ADGRF3: variants seen among roughly 807,000 people sequenced by gnomAD.
ADGRF3 encodes G protein-coupled receptor 113.
A neutral mutation model predicts 93.2 loss-of-function variants in ADGRF3; 85 were observed. The ratio of observed to expected loss-of-function variants is 0.91; its 90% CI spans 0.77 to 1.09. The LOEUF (loss-of-function observed/expected upper bound fraction) is 1.09, where lower values mean the gene tolerates loss of function less well. Among genes scored for constraint, ADGRF3 ranks in the 50% least tolerant of loss-of-function variants. The pLI is 0.00. For synonymous variants in ADGRF3, 534 were observed against 532.5 expected (o/e 1.00, Z -0.04); for missense variants, 1,125 against 1,246.2 (o/e 0.90, Z 1.46).
chr2:26,324,456 T>C (rs899921904), intron 1 of ADGRF3, among the ~76,000 whole-genome samples: 1 of 152,102 alleles, frequency 6.6e-6, no homozygotes, highest in African/African-American at 2.4e-5. Context: ...GTATTAAGCC[T>C]AGTACCCATT....
intron 1 of ADGRF3, among the ~76,000 whole-genome samples, chr2:26,319,594 CCTTCCTTCCTTCCTTCCTTCCTTT>C (rs1185730089): frequency 0.011 from 788 of 74,332 alleles, 32 homozygotes; most frequent in East Asian, 0.066. Context: ...TTCCTTCCTT[CCTTCCTTCCTTCCTTCCTTCCTTT>C]CTTTCTTTGT....
At position 26,311,518 on chromosome 2, in the gene ADGRF3, T is replaced by G. The variant is rs1481942109; in HGVS notation, c.2006A>C (p.Gln669Pro). The G allele has an allele frequency of 1.2e-6, 2 of 1,614,014 alleles. No individual in the cohort carries two copies. The highest frequency in any genetic ancestry group is 1.7e-6 in the Non-Finnish European group (2 of 1,179,890). The change falls in exon 10 of 14, where the codon CAG (glutamine) becomes CCG (proline). Residue 669 changes from glutamine to proline, a missense_variant. Physicochemically the swap from Gln to Pro is moderately conservative, Grantham distance 76 (BLOSUM62 -1). Coordinates refer to ENST00000651242, the MANE Select transcript of ADGRF3 (RefSeq NM_001321971.2). Reference protein sequence around the residue: ...GGWSKEGCQAQVASASPTAQC... With the variant: ...GGWSKEGCQAPVASASPTAQC... ...AGCAGTGGGGCTGGCACTGGCCACC[T>G]GTGCCTGGCACCCTTCTTTGGACCA...
Position 26,346,310 on chromosome 2 carries a change from C to A in ADGRF3, c.-76G>T. 1 of 1,601,368 alleles carries A rather than the reference C, an allele frequency of 6.2e-7. No individual in the cohort carries two copies. Among genetic ancestry groups the A allele is most frequent in the South Asian group, 1.1e-5 (1 of 90,370 alleles). ...ACAAGGTACCGCGGGCCGGCGGATG[C>A]CCCTCTCCCTGCTCCCGGCCTCGCC... On this transcript the variant is annotated 5_prime_UTR_variant, in exon 1 of 14. Transcript: ENST00000651242.
rs149293638 is a variant in ADGRF3 at position 26,311,730 on chromosome 2, C to T, written c.1794G>A (p.Leu598=). The T allele has an allele frequency of 7.1e-5, 114 of 1,613,294 alleles. No individual in the cohort carries two copies. Among genetic ancestry groups the T allele is most frequent in the Admixed American group, 3.5e-4 (21 of 59,898 alleles). The change falls in exon 10 of 14, where the codon CTG becomes CTA. Residue 598 remains leucine, a synonymous_variant. Coordinates refer to ENST00000651242, the MANE Select transcript of ADGRF3 (RefSeq NM_001321971.2). ...SLVLRKLDHL[L]PSNYGQGLGD... Reference sequence around the variant, plus strand: ...CCAGCCCTTGTCCATAGTTTGAGGGCAGAAGGTGGTCCAGTTTTCGCAGCA... The same window carrying T: ...CCAGCCCTTGTCCATAGTTTGAGGGTAGAAGGTGGTCCAGTTTTCGCAGCA...
chr2:26,324,205 C>A (rs568127079), intron 1 of ADGRF3, among the ~76,000 whole-genome samples: 4 of 152,130 alleles, frequency 2.6e-5, no homozygotes, highest in Admixed American at 6.5e-5. Flanking sequence ...GAGCTGTGAT[C>A]GTGCCACTGC....
rs1046243328 is a variant in ADGRF3 at position 26,346,572 on chromosome 2, C to A, written c.-338G>T. 5.8e-5 allele frequency: 18 copies of A among 308,426 alleles called. No homozygotes were observed. Among genetic ancestry groups the A allele is most frequent in the Admixed American group, 4.6e-4 (9 of 19,544 alleles). The allele number at this position is 308,426 out of a possible 1,614,324, so 19.1% of individuals were successfully genotyped here. A position where few individuals can be genotyped will look rare whatever the true frequency, so the allele number is the denominator to read the frequency against. On this transcript the variant is annotated 5_prime_UTR_variant, in exon 1 of 14. Transcript: ENST00000651242. ...GAATTCCCTTCCTATTTTTTTTAAA[C>A]TTATTATTTTCGTAAGCCCCCGAAA...
rs570636291 is a variant in ADGRF3 at position 26,308,408 on chromosome 2, A to G, written c.*678T>C. ...TTTCTTCTAGTATTCATTTTTAAAT[A>G]TAAATTAAACTTTATTAATTGATAT... is the stretch of plus-strand genomic sequence containing the variant. On this transcript the variant is annotated 3_prime_UTR_variant, in exon 14 of 14. Transcript: ENST00000651242. The G allele has an allele frequency of 6.6e-5, 10 of 152,258 alleles. No individual in the cohort carries two copies. In the South Asian group the frequency reaches 2.1e-3, roughly 32 times the overall value. 9.4% of individuals were successfully genotyped at this position (152,258 alleles called of 1,614,324 possible).
intron 1 of ADGRF3, among the ~76,000 whole-genome samples, chr2:26,322,362 C>T (rs1156375998): frequency 1.3e-5 from 2 of 151,994 alleles, no homozygotes; most frequent in African/African-American, 4.8e-5. Context: ...TATTCCACCC[C>T]CAAAACATAA....
chr2:26,334,113 A>G (rs1488037736), intron 1 of ADGRF3, among the ~76,000 whole-genome samples: 2 of 151,844 alleles, frequency 1.3e-5, no homozygotes, highest in African/African-American at 4.8e-5. Context: ...GTGTCCAACT[A>G]AAATTTAAAG....
chr2:26,328,789 T>A (rs1247425673), intron 1 of ADGRF3, among the ~76,000 whole-genome samples: 1 of 152,224 alleles, frequency 6.6e-6, no homozygotes, highest in Non-Finnish European at 1.5e-5. Context: ...CCAGTGGCTC[T>A]GTTCAGGTTT....
chr2:26,312,207 A>T (rs1352893526), intron 9 of ADGRF3, 133 bp from the exon 10 acceptor site: 3 of 893,888 alleles, frequency 3.4e-6, no homozygotes, highest in Non-Finnish European at 5.1e-6. Context: ...GAGAAAAGGG[A>T]GAGGAAGACA....
Position 26,346,664 on chromosome 2 carries a change from A to T in ADGRF3, c.-430T>A, listed in dbSNP as rs1373863578. The T allele has an allele frequency of 1.2e-5, 2 of 165,582 alleles. No individual in the cohort carries two copies. Among genetic ancestry groups the T allele is most frequent in the Non-Finnish European group, 2.6e-5 (2 of 76,576 alleles). 10.3% of individuals were successfully genotyped at this position (165,582 alleles called of 1,614,324 possible). A position where few individuals can be genotyped will look rare whatever the true frequency, so the allele number is the denominator to read the frequency against. On this transcript the variant is annotated 5_prime_UTR_variant, in exon 1 of 14. The change abolishes an upstream ATG in the 5' untranslated region. Transcript: ENST00000651242. ...TGAAGTTTCCACTCGCCTGTCATGC[A>T]TACAACTTCGGAGGAGGAGATGATC...
rs768446131 is a variant in ADGRF3 at position 26,311,508 on chromosome 2, A to G, written c.2016T>C (p.Ser672=). The G allele has an allele frequency of 1.5e-5, 25 of 1,613,870 alleles. No homozygotes were observed. The highest frequency in any genetic ancestry group is 2.0e-5 in the Non-Finnish European group (24 of 1,179,908). Residue 672 remains serine (S), a synonymous_variant, in exon 10 of 14, where the codon AGT becomes AGC. Coordinates refer to ENST00000651242, the MANE Select transcript of ADGRF3 (RefSeq NM_001321971.2). ...SKEGCQAQVA[S]ASPTAQCLCQ... ...AGAGGCACTGAGCAGTGGGGCTGGC[A>G]CTGGCCACCTGTGCCTGGCACCCTT... is the stretch of plus-strand genomic sequence containing the variant.
In ADGRF3 at chr2:26,317,568, A is replaced by G; in HGVS notation, c.115-6T>C. 12 of 1,563,626 alleles carry G rather than the reference A, an allele frequency of 7.7e-6. No homozygotes were observed. Among genetic ancestry groups the G allele is most frequent in the Non-Finnish European group, 9.5e-6 (11 of 1,153,866 alleles). On this transcript the variant is annotated splice_region_variant and splice_polypyrimidine_tract_variant and intron_variant, in intron 1 of 13. Coordinates refer to ENST00000651242, the MANE Select transcript of ADGRF3 (RefSeq NM_001321971.2). ...CCTCCAGCCTGACTCTGTCCCTGGA[A>G]CAGAACACAGAGGGGAGACCTCAAG...
intron 1 of ADGRF3, among the ~76,000 whole-genome samples, chr2:26,319,819 T>A (rs1675044018): frequency 6.6e-6 from 1 of 152,064 alleles, no homozygotes; most frequent in South Asian, 2.1e-4. Flanking sequence ...AGCCTCAAAC[T>A]CTTGGGCTCA....
At chr2:26,338,988 T>G (rs1676213921) in intron 1 of ADGRF3, among the ~76,000 whole-genome samples, 1 of 149,174 alleles carries the variant, frequency 6.7e-6, no homozygotes, top group African/African-American at 2.5e-5. Flanking sequence ...ATACAAAAAT[T>G]GGTGGTGTGC....
chr2:26,317,618 C>A, intron 1 of ADGRF3, 56 bp from the exon 2 acceptor site: 1 of 1,462,650 alleles, frequency 6.8e-7, no homozygotes, highest in Non-Finnish European at 9.4e-7. Flanking sequence ...ACCCCAGGGG[C>A]CAGCCTGACT....
intron 5 of ADGRF3, chr2:26,314,932 T>A: frequency 2.8e-6 from 1 of 353,642 alleles, no homozygotes; most frequent in Non-Finnish European, 5.1e-6. Context: ...GGATCTGTTC[T>A]CAGCAGACAT....
rs747873626 is a variant in ADGRF3 at position 26,309,129 on chromosome 2, G to A, written c.2994-22C>T. On this transcript the variant is annotated intron_variant, in intron 13 of 13. Coordinates refer to ENST00000651242, the MANE Select transcript of ADGRF3 (RefSeq NM_001321971.2). ...CTTCCTGTGAAAGAGCTTGCGGCTGGTGAGTGGATACTGAGCCCAACTTCT... is the reference window on the plus strand; with the variant it reads ...CTTCCTGTGAAAGAGCTTGCGGCTGATGAGTGGATACTGAGCCCAACTTCT... The A allele has an allele frequency of 6.8e-6, 11 of 1,613,922 alleles. No individual in the cohort carries two copies. In the East Asian group the frequency reaches 8.9e-5, roughly 13 times the overall value.
Sources: allele counts gnomAD v4.1 joint callset (sites outside exome capture counted in the v4.1 genomes callset), GRCh38; gene constraint gnomAD v4.1.1; transcripts MANE v1.5; gene names NCBI Gene and HGNC (gene_info 2026-07-23, HGNC 2026-07-21).